PHACTR4: variants seen among roughly 807,000 people sequenced by gnomAD.
The protein encoded by PHACTR4 is phosphatase and actin regulator 4.
A neutral mutation model predicts 72.7 loss-of-function variants in PHACTR4; 51 were observed. That is an observed-to-expected ratio of 0.70 (90% CI 0.56 to 0.89). PHACTR4 has a LOEUF of 0.89. PHACTR4 is among the 40% of genes least tolerant of loss of function. The probability of loss-of-function intolerance (pLI) is 0.00; values close to 1 mark genes in which losing one functional copy is unlikely to be tolerated. For missense variants in PHACTR4, 731 were observed against 861.8 expected (o/e 0.85, Z 1.90); for synonymous variants, 255 against 302.5 (o/e 0.84, Z 1.63).
At chr1:28,382,607 A>T (rs976964400) in intron 1 of PHACTR4, among the ~76,000 whole-genome samples, 1 of 151,412 alleles carries the variant, frequency 6.6e-6, no homozygotes, top group African/African-American at 2.4e-5. Flanking sequence ...CCGGCCTATC[A>T]TGAAATTTTT....
chr1:28,380,977 T>C lies in PHACTR4; in HGVS notation c.-39+11152T>C, dbSNP rs116008510. Among the ~76,000 whole-genome samples, 524 of 151,974 alleles carry C rather than the reference T, an allele frequency of 3.4e-3. 6 individuals carry two copies. Among genetic ancestry groups the C allele is most frequent in the African/African-American group, 0.012 (505 of 41,364 alleles). ...CTGACAATGTATAAGCATTTCTTTT[T>C]CTCCACAATCTCGCCAGCATTATTT... On this transcript the variant is annotated intron_variant, in intron 1 of 13. Coordinates refer to ENST00000373839, the MANE Select transcript of PHACTR4 (RefSeq NM_001048183.3).
intron 9 of PHACTR4, among the ~76,000 whole-genome samples, chr1:28,488,850 TC>T (rs1211180029): frequency 6.6e-6 from 1 of 152,210 alleles, no homozygotes; most frequent in Non-Finnish European, 1.5e-5. Context: ...ACCAGTTCGG[TC>T]CAAACCTTCG....
chr1:28,421,865 A>T (rs1482528289), intron 2 of PHACTR4, among the ~76,000 whole-genome samples: 1 of 152,234 alleles, frequency 6.6e-6, no homozygotes, highest in Non-Finnish European at 1.5e-5. Flanking sequence ...CTCATAATAC[A>T]TCCGGGATAC....
At chr1:28,425,378 A>G (rs367831877) in intron 2 of PHACTR4, among the ~76,000 whole-genome samples, 58 of 152,326 alleles carry the variant, frequency 3.8e-4, no homozygotes, top group African/African-American at 1.3e-3. Context: ...TGGCCTCCCA[A>G]AGTGCTGGGA....
intron 2 of PHACTR4, among the ~76,000 whole-genome samples, chr1:28,426,350 A>G (rs1655844219): frequency 6.6e-6 from 1 of 150,974 alleles, no homozygotes; most frequent in African/African-American, 2.4e-5. Context: ...AACAGATAAC[A>G]CATGCTGATG....
intron 2 of PHACTR4, among the ~76,000 whole-genome samples, chr1:28,423,255 C>T (rs1655622438): frequency 6.6e-6 from 1 of 151,908 alleles, no homozygotes; most frequent in African/African-American, 2.4e-5. Context: ...AAAAAATAAA[C>T]AGAATTAGCC....
At chr1:28,443,206 A>G (rs1453767526) in intron 2 of PHACTR4, among the ~76,000 whole-genome samples, 1 of 152,076 alleles carries the variant, frequency 6.6e-6, no homozygotes, top group Admixed American at 6.6e-5. Flanking sequence ...TAGCTTATTT[A>G]ACTTAAAATA....
At chr1:28,467,379 TTGTGTGTGTGTGTGTGTGTG>T (rs67853567) in intron 6 of PHACTR4, 14 of 146,572 alleles carry the variant, frequency 9.6e-5, no homozygotes, top group Non-Finnish European at 1.7e-4. Context: ...CTATACATAT[TTGTGTGTGTGTGTGTGTGTG>T]TGTGTGTGTG....
chr1:28,420,664 A>T (rs1655453427), intron 2 of PHACTR4, among the ~76,000 whole-genome samples: 1 of 152,216 alleles, frequency 6.6e-6, no homozygotes, highest in Admixed American at 6.5e-5. Context: ...TGTTATCTAT[A>T]GAAAATCTAA....
intron 9 of PHACTR4, among the ~76,000 whole-genome samples, chr1:28,486,391 A>G (rs554178125): frequency 4.3e-4 from 66 of 152,188 alleles, no homozygotes; most frequent in African/African-American, 1.5e-3. Context: ...CAGGAGTGAT[A>G]TGTTCATTCT....
At chr1:28,403,128 A>C (rs1654057594) in intron 1 of PHACTR4, among the ~76,000 whole-genome samples, 1 of 152,172 alleles carries the variant, frequency 6.6e-6, no homozygotes, top group Admixed American at 6.5e-5. Flanking sequence ...GTTATCTTTG[A>C]GGCAGACTCT....
At chr1:28,457,903 G>A (rs1570016877) in intron 2 of PHACTR4, 4 of 979,000 alleles carry the variant, frequency 4.1e-6, no homozygotes, top group African/African-American at 3.6e-5. Flanking sequence ...CTTTTTTTTG[G>A]TTGCCTTCCT....
At chr1:28,398,937 T>G (rs1313532269) in intron 1 of PHACTR4, among the ~76,000 whole-genome samples, 1 of 152,188 alleles carries the variant, frequency 6.6e-6, no homozygotes. Context: ...CTGGTTCTGT[T>G]TCTGAGAAGA....
chr1:28,463,818 G>A (rs1210752550), intron 4 of PHACTR4, among the ~76,000 whole-genome samples: 1 of 152,020 alleles, frequency 6.6e-6, no homozygotes, highest in African/African-American at 2.4e-5. Context: ...CTGTACCCTT[G>A]ACCTCCTGGG....
intron 5 of PHACTR4, among the ~76,000 whole-genome samples, 174 bp from the exon 6 acceptor site, chr1:28,466,204 CCTTT>C (rs2124484136): frequency 6.6e-6 from 1 of 152,246 alleles, no homozygotes; most frequent in African/African-American, 2.4e-5. Context: ...TCTTAGTGAG[CCTTT>C]CTTACTGACA....
intron 2 of PHACTR4, among the ~76,000 whole-genome samples, chr1:28,448,761 CAAAAAAAAAAAAAA>C (rs777343479): frequency 1.5e-4 from 3 of 20,352 alleles, no homozygotes; most frequent in Admixed American, 1.4e-3. Flanking sequence ...GACTCCATCT[CAAAAAAAAAAAAAA>C]AAAAAAAAAA....
At chr1:28,493,119 T>G in intron 13 of PHACTR4, 28 bp downstream of exon 13, 1 of 1,588,100 alleles carries the variant, frequency 6.3e-7, no homozygotes, top group South Asian at 1.1e-5. Context: ...CAATCATATA[T>G]GTGCTAGGTA....
intron 6 of PHACTR4, among the ~76,000 whole-genome samples, chr1:28,467,699 T>G (rs564924365): frequency 2.0e-5 from 3 of 152,328 alleles, no homozygotes; most frequent in South Asian, 4.2e-4. Context: ...TAAATTGTTC[T>G]GATAAAATCA....
intron 2 of PHACTR4, among the ~76,000 whole-genome samples, chr1:28,410,898 G>T (rs1253800392): frequency 6.6e-6 from 1 of 151,794 alleles, no homozygotes; most frequent in South Asian, 2.1e-4. Context: ...GTAGAGATGA[G>T]GTTTCACCAT....
Sources: allele counts gnomAD v4.1 joint callset (sites outside exome capture counted in the v4.1 genomes callset), GRCh38; gene constraint gnomAD v4.1.1; transcripts MANE v1.5; gene names NCBI Gene and HGNC (gene_info 2026-07-23, HGNC 2026-07-21).